The following AADACL2 variants were observed in gnomAD, a reference collection of about 807,000 sequenced individuals.
The protein encoded by AADACL2 is arylacetamide deacetylase-like 2.
In AADACL2, 23 loss-of-function variants were observed where a neutral mutation model predicts 22.3. That is an observed-to-expected ratio of 1.03 (90% CI 0.74 to 1.46). AADACL2 has a LOEUF of 1.46. Among genes scored for constraint, AADACL2 ranks in the 40% most tolerant of loss-of-function variants. AADACL2 has a pLI of 0.00. For missense variants in AADACL2, 472 were observed against 482.9 expected (o/e 0.98, Z 0.21); for synonymous variants, 177 against 166.2 (o/e 1.07, Z -0.50).
chr3:151,744,170 T>C lies in AADACL2; in HGVS notation c.431+8T>C. 6.2e-7 allele frequency: 1 copy of C among 1,613,226 alleles called. No individual in the cohort carries two copies. The highest frequency in any genetic ancestry group is 8.5e-7 in the Non-Finnish European group (1 of 1,179,474). On this transcript the variant is annotated splice_region_variant and intron_variant, in intron 3 of 4. Transcript: ENST00000356517. The stretch of plus-strand genomic sequence containing the variant: ...TGTTGTTGTAGGCGTGGAGTAAGAA[T>C]GATTTTTTTCTGGCTACTATGATTT...
chr3:151,758,012 C>T lies in AADACL2; in HGVS notation c.*418C>T, dbSNP rs1274504486. ...CACTGGACTAAATAAACCCTAAGGA[C>T]CCTATATTAGTTTCCTGTGACTATT... On this transcript the variant is annotated 3_prime_UTR_variant, in exon 5 of 5. Coordinates refer to ENST00000356517, the MANE Select transcript of AADACL2 (RefSeq NM_207365.4). 1.3e-5 allele frequency: 2 copies of T among 156,716 alleles called. No individual in the cohort carries two copies. Among genetic ancestry groups the T allele is most frequent in the African/African-American group, 4.8e-5 (2 of 41,450 alleles). 9.7% of individuals were successfully genotyped at this position (156,716 alleles called of 1,614,324 possible). A position where few individuals can be genotyped will look rare whatever the true frequency, so the allele number is the denominator to read the frequency against.
At chr3:151,744,769 T>C (rs1326278689) in intron 3 of AADACL2, among the ~76,000 whole-genome samples, 1 of 152,112 alleles carries the variant, frequency 6.6e-6, no homozygotes, top group Non-Finnish European at 1.5e-5. Context: ...AGAACCCTAT[T>C]ACCAACATTT....
At chr3:151,739,031 T>C (rs1713190386) in intron 1 of AADACL2, among the ~76,000 whole-genome samples, 1 of 152,228 alleles carries the variant, frequency 6.6e-6, no homozygotes, top group African/African-American at 2.4e-5. Flanking sequence ...TCCAGGTTTG[T>C]GCCCTTGCTG....
chr3:151,738,203 C>A (rs891441779), intron 1 of AADACL2, among the ~76,000 whole-genome samples: 1 of 152,166 alleles, frequency 6.6e-6, no homozygotes, highest in Non-Finnish European at 1.5e-5. Flanking sequence ...GTGACAAAAT[C>A]CCTCAGCATT....
chr3:151,735,498 T>C (rs994978618), intron 1 of AADACL2, among the ~76,000 whole-genome samples: 2 of 152,184 alleles, frequency 1.3e-5, no homozygotes, highest in East Asian at 3.8e-4. Context: ...TGGCTCACGA[T>C]TGTAATTTCA....
intron 1 of AADACL2, among the ~76,000 whole-genome samples, chr3:151,740,439 C>A (rs1713241924): frequency 3.3e-5 from 5 of 152,166 alleles, no homozygotes; most frequent in Admixed American, 3.3e-4. Context: ...TCCTATTCGG[C>A]CAGCTTGCCA....
intron 4 of AADACL2, among the ~76,000 whole-genome samples, chr3:151,752,767 A>G (rs950018104): frequency 9.2e-5 from 14 of 152,208 alleles, no homozygotes; most frequent in African/African-American, 3.4e-4. Flanking sequence ...ATTCTAAAAA[A>G]TAAGTATTTC....
chr3:151,735,603 C>G (rs965659279), intron 1 of AADACL2, among the ~76,000 whole-genome samples: 56 of 152,108 alleles, frequency 3.7e-4, no homozygotes, highest in African/African-American at 1.3e-3. Flanking sequence ...ACTAAAAATA[C>G]AAAAATTAGC....
chr3:151,738,632 A>G (rs182392859), intron 1 of AADACL2, among the ~76,000 whole-genome samples: 12 of 152,184 alleles, frequency 7.9e-5, no homozygotes, highest in African/African-American at 2.7e-4. Flanking sequence ...AGGTACACCA[A>G]TCTAACGTAG....
At chr3:151,736,784 T>C (rs910803440) in intron 1 of AADACL2, among the ~76,000 whole-genome samples, 7 of 152,244 alleles carry the variant, frequency 4.6e-5, no homozygotes, top group Non-Finnish European at 1.0e-4. Flanking sequence ...GCAATAAACA[T>C]ATGTATGCAT....
At chr3:151,746,700 T>C (rs1713457834) in intron 4 of AADACL2, among the ~76,000 whole-genome samples, 1 of 152,134 alleles carries the variant, frequency 6.6e-6, no homozygotes, top group Non-Finnish European at 1.5e-5. Context: ...GAGATGATCA[T>C]GTAATTTTTC....
chr3:151,750,966 CCTGT>C (rs1338736825), intron 4 of AADACL2, among the ~76,000 whole-genome samples: 2 of 152,120 alleles, frequency 1.3e-5, no homozygotes, highest in Non-Finnish European at 2.9e-5. Context: ...TTCAACCCAA[CCTGT>C]TACACTTTAG....
In AADACL2 at chr3:151,759,871, C is replaced by A. The variant is rs1022409347; in HGVS notation, c.*2277C>A. ...TGTGTGGTGGCATGAGCATTGTGAT[C>A]AAGCCATTAAGTTTGGAAACAACTG... On this transcript the variant is annotated 3_prime_UTR_variant, in exon 5 of 5. Transcript: ENST00000356517. 1 of 152,158 alleles carries A rather than the reference C, an allele frequency of 6.6e-6. No homozygotes were observed. The allele number at this position is 152,158 out of a possible 1,614,324, so 9.4% of individuals were successfully genotyped here.
Position 151,756,974 on chromosome 3 carries a change from A to G in AADACL2, c.604-18A>G. ...TTTGGAAATGTTTGCATTACAGAAT[A>G]TTACCATATATTTTCAGGTGCAGAA... On this transcript the variant is annotated intron_variant, in intron 4 of 4. Coordinates refer to ENST00000356517, the MANE Select transcript of AADACL2 (RefSeq NM_207365.4). 1.9e-6 allele frequency: 3 copies of G among 1,568,548 alleles called. No individual in the cohort carries two copies. Among genetic ancestry groups the G allele is most frequent in the Non-Finnish European group, 2.6e-6 (3 of 1,162,774 alleles).
chr3:151,734,282 A>C, intron 1 of AADACL2, 109 bp downstream of exon 1: 1 of 1,222,320 alleles, frequency 8.2e-7, no homozygotes. Context: ...ATTTTGAAAG[A>C]ACCATTGCTT....
Position 151,755,957 on chromosome 3 carries a change from C to T in AADACL2, c.604-1035C>T, listed in dbSNP as rs929833543. 2.8e-4 allele frequency among the ~76,000 whole-genome samples: 43 copies of T among 152,190 alleles called. 2 individuals are homozygous for T. Among genetic ancestry groups the T allele is most frequent in the Admixed American group, 1.3e-3 (20 of 15,278 alleles). ...TTTGTTTTGGCTCATTTTCATTCTACACTTATTAAACCTCTAGCATCTTGG... is the reference window on the plus strand; with the variant it reads ...TTTGTTTTGGCTCATTTTCATTCTATACTTATTAAACCTCTAGCATCTTGG... On this transcript the variant is annotated intron_variant, in intron 4 of 4. Transcript: ENST00000356517.
intron 4 of AADACL2, among the ~76,000 whole-genome samples, chr3:151,752,036 C>G (rs1237156182): frequency 6.6e-6 from 1 of 152,116 alleles, no homozygotes; most frequent in Non-Finnish European, 1.5e-5. Flanking sequence ...TTATCCTTTC[C>G]TATTTACTTT....
intron 4 of AADACL2, among the ~76,000 whole-genome samples, chr3:151,749,645 G>T (rs1390677796): frequency 6.6e-6 from 1 of 151,958 alleles, no homozygotes; most frequent in African/African-American, 2.4e-5. Flanking sequence ...ATCATGCCTG[G>T]CTAATTTTTG....
At chr3:151,747,599 A>G (rs189459220) in intron 4 of AADACL2, among the ~76,000 whole-genome samples, 69 of 150,948 alleles carry the variant, frequency 4.6e-4, no homozygotes, top group Admixed American at 8.5e-4. Flanking sequence ...GAGGCTGAAT[A>G]ATATTCCATT....
Sources: allele counts gnomAD v4.1 joint callset (sites outside exome capture counted in the v4.1 genomes callset), GRCh38; gene constraint gnomAD v4.1.1; transcripts MANE v1.5; gene names NCBI Gene and HGNC (gene_info 2026-07-23, HGNC 2026-07-21).